DLGAP1: variants seen among roughly 807,000 people sequenced by gnomAD.
The protein encoded by DLGAP1 is disks large-associated protein 1.
A neutral mutation model predicts 90.8 loss-of-function variants in DLGAP1; 11 were observed. That is an observed-to-expected ratio of 0.12 (90% confidence interval 0.08 to 0.20). The LOEUF (loss-of-function observed/expected upper bound fraction) is 0.20, where lower values mean the gene tolerates loss of function less well. Among genes scored for constraint, DLGAP1 ranks in the 10% least tolerant of loss-of-function variants. The pLI is 1.00. For synonymous variants in DLGAP1, 558 were observed against 540.7 expected, an observed-to-expected ratio of 1.03 and a Z score of -0.44; for missense variants, 1,050 against 1,333.8, an observed-to-expected ratio of 0.79 and a Z score of 3.31.
intron 3 of DLGAP1, among the ~76,000 whole-genome samples, chr18:3,909,001 C>T (rs879857905): frequency 6.6e-6 from 1 of 152,062 alleles, no homozygotes; most frequent in Non-Finnish European, 1.5e-5. Context: ...TTGCTGAAAT[C>T]AGTAGAAACA....
intron 3 of DLGAP1, among the ~76,000 whole-genome samples, chr18:3,981,742 G>T (rs2149031683): frequency 6.6e-6 from 1 of 152,276 alleles, no homozygotes; most frequent in Non-Finnish European, 1.5e-5. Flanking sequence ...TATTTTCAGG[G>T]TGTCCCAGGA....
chr18:4,009,054 G>A (rs11081085), intron 2 of DLGAP1, among the ~76,000 whole-genome samples: 1 of 152,074 alleles, frequency 6.6e-6, no homozygotes, highest in East Asian at 1.9e-4. Flanking sequence ...CAAGGCGCCC[G>A]CCACCATGCC....
Position 3,901,340 on chromosome 18 carries a change from A to C in DLGAP1, c.-72-21200T>G, listed in dbSNP as rs564347114. ...GTAAGGCTCTGCAATTGTCTCCTAC[A>C]CTCATTTCCTTCCTTCTCATCCTCT... is the stretch of plus-strand genomic sequence containing the variant. On this transcript the variant is annotated intron_variant, in intron 3 of 12. Coordinates refer to ENST00000315677, the MANE Select transcript of DLGAP1 (RefSeq NM_004746.4). Among the ~76,000 whole-genome samples, 75 of 151,662 alleles carry C rather than the reference A, an allele frequency of 4.9e-4. 3 individuals carry two copies. The South Asian group carries it at 0.016, about 32-fold the overall frequency.
chr18:3,768,030 G>C (rs1042383871), intron 5 of DLGAP1, among the ~76,000 whole-genome samples: 1 of 152,052 alleles, frequency 6.6e-6, no homozygotes, highest in Non-Finnish European at 1.5e-5. Flanking sequence ...TCTGTTTGCA[G>C]ATGACATGAT....
At chr18:4,228,023 A>T (rs572015445) in intron 1 of DLGAP1, among the ~76,000 whole-genome samples, 1 of 151,944 alleles carries the variant, frequency 6.6e-6, no homozygotes, top group East Asian at 1.9e-4. Context: ...GGAGACTTTC[A>T]ACCCAATACC....
At chr18:3,996,280 T>C (rs1419878788) in intron 3 of DLGAP1, among the ~76,000 whole-genome samples, 1 of 152,134 alleles carries the variant, frequency 6.6e-6, no homozygotes, top group Non-Finnish European at 1.5e-5. Flanking sequence ...ACAAAGGCTT[T>C]CTACTTGAAA....
rs374273483 is a variant in DLGAP1 at position 3,656,040 on chromosome 18, C to T, written c.1591+73095G>A. Reference sequence around the variant, plus strand: ...TTTAGCTACAAGCCACGCTATGCAACCTTTAAGCAAAACATTATTGATTTT... The same window carrying T: ...TTTAGCTACAAGCCACGCTATGCAATCTTTAAGCAAAACATTATTGATTTT... On this transcript the variant is annotated intron_variant, in intron 7 of 12. Coordinates refer to ENST00000315677, the MANE Select transcript of DLGAP1 (RefSeq NM_004746.4). 3.5e-5 allele frequency: 54 copies of T among 1,524,742 alleles called. No homozygotes were observed. The African/African-American group carries it at 5.6e-4, about 16-fold the overall frequency. The allele number at this position is 1,524,742 out of a possible 1,614,324, so 94.5% of individuals were successfully genotyped here.
At chr18:4,357,625 G>C (rs2081550054) in intron 1 of DLGAP1, among the ~76,000 whole-genome samples, 1 of 152,204 alleles carries the variant, frequency 6.6e-6, no homozygotes, top group Non-Finnish European at 1.5e-5. Flanking sequence ...AGTTGGTGTA[G>C]CTGGAGTAGC....
intron 9 of DLGAP1, among the ~76,000 whole-genome samples, chr18:3,549,577 C>T (rs924184938): frequency 3.9e-5 from 6 of 151,922 alleles, no homozygotes; most frequent in South Asian, 2.1e-4. Context: ...GTGATCCACC[C>T]GCCTCGGCCT....
chr18:4,333,103 T>C (rs1045562081), intron 1 of DLGAP1, among the ~76,000 whole-genome samples: 1 of 151,978 alleles, frequency 6.6e-6, no homozygotes, highest in Non-Finnish European at 1.5e-5. Flanking sequence ...GACTCCAAAA[T>C]TCAATGGCTA....
At chr18:4,135,356 C>T (rs571519232) in intron 2 of DLGAP1, among the ~76,000 whole-genome samples, 1 of 152,136 alleles carries the variant, frequency 6.6e-6, no homozygotes, top group East Asian at 1.9e-4. Context: ...AGATGCCCTC[C>T]TATTTAATAC....
At chr18:3,663,845 G>A (rs187336534) in intron 7 of DLGAP1, among the ~76,000 whole-genome samples, 199 of 152,270 alleles carry the variant, frequency 1.3e-3, no homozygotes, top group African/African-American at 4.5e-3. Context: ...ACATTATTTC[G>A]AGTGTGTGTG....
At chr18:4,418,105 T>C (rs768361403) in intron 1 of DLGAP1, among the ~76,000 whole-genome samples, 1 of 152,138 alleles carries the variant, frequency 6.6e-6, no homozygotes, top group Non-Finnish European at 1.5e-5. Context: ...TTGAAACCTA[T>C]GGTATACTGA....
intron 1 of DLGAP1, among the ~76,000 whole-genome samples, chr18:4,437,513 T>C (rs1328528934): frequency 6.6e-6 from 1 of 152,134 alleles, no homozygotes; most frequent in Non-Finnish European, 1.5e-5. Context: ...ATAATGTAAA[T>C]GTTATCTAAA....
At chr18:3,864,824 A>G (rs1041007471) in intron 4 of DLGAP1, among the ~76,000 whole-genome samples, 2 of 152,178 alleles carry the variant, frequency 1.3e-5, no homozygotes, top group Admixed American at 6.5e-5. Flanking sequence ...TCCACCTTGG[A>G]TAGTATATGA....
intron 7 of DLGAP1, among the ~76,000 whole-genome samples, chr18:3,705,982 ATT>A (rs71368704): frequency 1.6e-5 from 2 of 127,254 alleles, no homozygotes; most frequent in Admixed American, 8.0e-5. Flanking sequence ...TTAATGGTGC[ATT>A]TTTTTTTTTT....
chr18:4,099,265 T>TGTCC (rs2075733697), intron 2 of DLGAP1, among the ~76,000 whole-genome samples: 1 of 146,652 alleles, frequency 6.8e-6, no homozygotes, highest in Admixed American at 6.8e-5. Flanking sequence ...TCTGTCTGTC[T>TGTCC]GTCTGTCTAT....
intron 5 of DLGAP1, among the ~76,000 whole-genome samples, chr18:3,786,244 G>T (rs563831754): frequency 3.7e-4 from 57 of 152,160 alleles, no homozygotes; most frequent in Middle Eastern, 3.4e-3. Context: ...TCTTTGGGGG[G>T]CATTATTCTC....
At chr18:3,784,630 G>A (rs752927217) in intron 5 of DLGAP1, among the ~76,000 whole-genome samples, 105 of 152,136 alleles carry the variant, frequency 6.9e-4, no homozygotes, top group African/African-American at 2.4e-3. Flanking sequence ...CTGCGCCCGC[G>A]ATGCTCCTGG....
Sources: gnomAD v4.1 joint callset for allele counts (sites outside exome capture counted in the v4.1 genomes callset) on GRCh38, gnomAD v4.1.1 for gene constraint, MANE v1.5 for transcripts, NCBI Gene and HGNC (gene_info 2026-07-23, HGNC 2026-07-21) for gene names.